The following CCBE1 variants were observed in gnomAD, a reference collection of about 807,000 sequenced individuals.
CCBE1 encodes the protein collagen and calcium binding EGF domains 1.
A neutral mutation model predicts 50.0 loss-of-function variants in CCBE1; 37 were observed. That is an observed-to-expected ratio of 0.74 (90% CI 0.57 to 0.97). CCBE1 has a LOEUF of 0.97. Ranked by LOEUF, CCBE1 falls within the 50% of genes least tolerant of loss-of-function variation. CCBE1 has a pLI of 0.00. For missense variants in CCBE1, 538 were observed against 523.8 expected (o/e 1.03, Z -0.26); for synonymous variants, 234 against 203.7 (o/e 1.15, Z -1.27).
chr18:59,661,078 A>C lies in CCBE1; in HGVS notation c.212+35551T>G, dbSNP rs2054278318. ...AACGCATTTTCCCTGGAGATAGTCC[A>C]ACAATATAGAGCTAACATACTTCCA... On this transcript the variant is annotated intron_variant, in intron 2 of 10. Transcript: ENST00000439986. 2.0e-5 allele frequency among the ~76,000 whole-genome samples: 3 copies of C among 152,000 alleles called. No individual in the cohort carries two copies. In the South Asian group the frequency reaches 6.2e-4, roughly 32 times the overall value.
chr18:59,533,521 C>T (rs1915130262), intron 2 of CCBE1, among the ~76,000 whole-genome samples: 1 of 152,064 alleles, frequency 6.6e-6, no homozygotes, highest in Non-Finnish European at 1.5e-5. Flanking sequence ...ATGTATAACT[C>T]TTATGTTAGA....
chr18:59,583,770 T>A (rs181840990), intron 2 of CCBE1, among the ~76,000 whole-genome samples: 2 of 152,294 alleles, frequency 1.3e-5, no homozygotes, highest in Admixed American at 1.3e-4. Context: ...GCAATTTTTT[T>A]GTCTTAAGGG....
chr18:59,588,582 G>A (rs556600293), intron 2 of CCBE1, among the ~76,000 whole-genome samples: 1 of 152,218 alleles, frequency 6.6e-6, no homozygotes, highest in Admixed American at 6.5e-5. Context: ...AACTCTTGTA[G>A]GTAATTTTTC....
At chr18:59,516,951 T>C (rs1914400767) in intron 2 of CCBE1, among the ~76,000 whole-genome samples, 1 of 152,224 alleles carries the variant, frequency 6.6e-6, no homozygotes, top group South Asian at 2.1e-4. Context: ...CAGTTCAGGT[T>C]ATCTTAAAAT....
intron 2 of CCBE1, among the ~76,000 whole-genome samples, chr18:59,485,009 A>G (rs1912748285): frequency 6.6e-6 from 1 of 152,232 alleles, no homozygotes; most frequent in African/African-American, 2.4e-5. Flanking sequence ...TCTAACTACA[A>G]ACACTGCTGT....
chr18:59,553,011 C>A (rs963641825), intron 2 of CCBE1, among the ~76,000 whole-genome samples: 1 of 152,092 alleles, frequency 6.6e-6, no homozygotes, highest in Non-Finnish European at 1.5e-5. Context: ...TACACTTACA[C>A]CTTCTTTTAT....
At chr18:59,556,854 G>A (rs1051132786) in intron 2 of CCBE1, among the ~76,000 whole-genome samples, 1 of 152,176 alleles carries the variant, frequency 6.6e-6, no homozygotes, top group Non-Finnish European at 1.5e-5. Flanking sequence ...TTGTTTATGG[G>A]AATATTTATA....
chr18:59,543,388 G>T (rs931924721), intron 2 of CCBE1, among the ~76,000 whole-genome samples: 5 of 152,132 alleles, frequency 3.3e-5, no homozygotes, highest in Non-Finnish European at 7.4e-5. Flanking sequence ...CCCAGAAAAA[G>T]ACTTAAAATT....
intron 2 of CCBE1, among the ~76,000 whole-genome samples, chr18:59,544,600 A>G (rs1915610311): frequency 6.6e-6 from 1 of 152,128 alleles, no homozygotes; most frequent in Non-Finnish European, 1.5e-5. Context: ...TTCCATTGGT[A>G]TGGTTTCAAG....
At chr18:59,697,451 G>A (rs1193067853), upstream of CCBE1, 1 of 1,431,682 alleles carries the variant, frequency 7.0e-7, no homozygotes, top group South Asian at 1.4e-5. Context: ...GCGCCGGAGA[G>A]CAGGGGCGTT....
At chr18:59,697,672 C>T, upstream of CCBE1, 1 of 302,032 alleles carries the variant, frequency 3.3e-6, no homozygotes, top group Non-Finnish European at 6.2e-6. Context: ...CGGCTTGGGG[C>T]TGCGCCCTCG....
At chr18:59,453,749 C>T (rs1043745209) in intron 6 of CCBE1, among the ~76,000 whole-genome samples, 22 of 152,074 alleles carry the variant, frequency 1.4e-4, no homozygotes, top group African/African-American at 4.3e-4. Context: ...GACTGGAAGC[C>T]GTTAAACAAA....
chr18:59,489,722 T>A (rs1031948213), intron 2 of CCBE1, among the ~76,000 whole-genome samples: 1 of 151,938 alleles, frequency 6.6e-6, no homozygotes, highest in Non-Finnish European at 1.5e-5. Flanking sequence ...CCTGATTAAC[T>A]TTCTCTTGGC....
intron 2 of CCBE1, among the ~76,000 whole-genome samples, chr18:59,617,713 T>C (rs917320781): frequency 6.6e-6 from 1 of 152,176 alleles, no homozygotes; most frequent in African/African-American, 2.4e-5. Flanking sequence ...CCCTTTAGAT[T>C]GTAGGCTTGT....
intron 2 of CCBE1, among the ~76,000 whole-genome samples, chr18:59,679,983 G>A (rs932893097): frequency 6.6e-6 from 1 of 152,164 alleles, no homozygotes; most frequent in Non-Finnish European, 1.5e-5. Context: ...CAGCACTTTG[G>A]GAGGCCGAGG....
chr18:59,571,995 G>A (rs996857913), intron 2 of CCBE1, among the ~76,000 whole-genome samples: 15 of 152,190 alleles, frequency 9.9e-5, no homozygotes, highest in African/African-American at 3.4e-4. Context: ...TCCAAGAACA[G>A]CCTACATCCT....
intron 2 of CCBE1, among the ~76,000 whole-genome samples, chr18:59,587,505 G>C (rs560049393): frequency 8.5e-5 from 13 of 152,298 alleles, no homozygotes; most frequent in African/African-American, 3.1e-4. Context: ...ATATTAGTCA[G>C]GACAGAACAT....
chr18:59,593,918 GGTGA>G (rs1169507425), intron 2 of CCBE1, among the ~76,000 whole-genome samples: 1 of 152,154 alleles, frequency 6.6e-6, no homozygotes, highest in Non-Finnish European at 1.5e-5. Context: ...CCCAAAGAGG[GGTGA>G]CCTCCCATTC....
intron 2 of CCBE1, among the ~76,000 whole-genome samples, chr18:59,612,994 A>G (rs919380841): frequency 6.6e-6 from 1 of 152,068 alleles, no homozygotes; most frequent in African/African-American, 2.4e-5. Context: ...ATTAAGTGCT[A>G]AATTGCAAGG....
Sources: allele counts gnomAD v4.1 joint callset (sites outside exome capture counted in the v4.1 genomes callset), GRCh38; gene constraint gnomAD v4.1.1; transcripts MANE v1.5; gene names NCBI Gene and HGNC (gene_info 2026-07-23, HGNC 2026-07-21).